RTKN2: variants seen among roughly 807,000 people sequenced by gnomAD.
The protein encoded by RTKN2 is rhotekin 2, also known as rhotekin-2.
RTKN2 carries 69 observed loss-of-function variants against 71.5 expected under a neutral mutation model. The ratio of observed to expected loss-of-function variants is 0.96; its 90% CI spans 0.79 to 1.18. The LOEUF (loss-of-function observed/expected upper bound fraction) is 1.18, where lower values mean the gene tolerates loss of function less well. Ranked by LOEUF, RTKN2 falls within the 50% of genes most tolerant of loss-of-function variation. The pLI, the probability that RTKN2 is intolerant of heterozygous loss-of-function variation, is 0.00. For synonymous variants in RTKN2, 236 were observed against 236.5 expected (o/e 1.00, Z 0.02); for missense variants, 724 against 719.7 (o/e 1.01, Z -0.07).
In RTKN2 at chr10:62,246,031, C is replaced by T. The variant is rs558935289; in HGVS notation, c.284G>A (p.Arg95Gln). Residue 95 changes from arginine to glutamine, a missense_variant, in exon 3 of 12, where the codon CGA becomes CAA. Arg to Gln is a conservative substitution (Grantham distance 43). Coordinates refer to ENST00000373789, the MANE Select transcript of RTKN2 (RefSeq NM_145307.4). ...GGCAATCTTTCCTTTACATGCTGTT[C>T]GTTCTTTACTTTCAAATTTCACATC... ...RCDVKFESKE[R>Q]TACKGKIAIS... 23 of 1,594,996 alleles carry T rather than the reference C, an allele frequency of 1.4e-5. No homozygotes were observed. The highest frequency in any genetic ancestry group is 5.4e-5 in the African/African-American group (4 of 74,158).
chr10:62,185,330 T>C (rs1386312850), intron 8 of RTKN2, among the ~76,000 whole-genome samples: 2 of 152,124 alleles, frequency 1.3e-5, no homozygotes, highest in Non-Finnish European at 2.9e-5. Flanking sequence ...AAGATTGCTT[T>C]TGGCAGGCTG....
rs1360912227 is a variant in RTKN2 at position 62,193,593 on chromosome 10, A to G, written c.*4315T>C. The G allele has an allele frequency of 6.1e-6, 6 of 985,024 alleles. No homozygotes were observed. Among genetic ancestry groups the G allele is most frequent in the Middle Eastern group, 5.2e-4 (1 of 1,936 alleles). The allele number at this position is 985,024 out of a possible 1,614,324, so 61.0% of individuals were successfully genotyped here. A position where few individuals can be genotyped will look rare whatever the true frequency, so the allele number is the denominator to read the frequency against. ...AGAAATAAAATGCTGAAATAATCCA[A>G]CTGAGCCAGGATTGCTCATTTCTCT... On this transcript the variant is annotated 3_prime_UTR_variant, in exon 12 of 12. Coordinates refer to ENST00000373789, the MANE Select transcript of RTKN2 (RefSeq NM_145307.4).
chr10:62,214,429 TG>T (rs1564506035), intron 9 of RTKN2, among the ~76,000 whole-genome samples: 1 of 152,164 alleles, frequency 6.6e-6, no homozygotes, highest in Non-Finnish European at 1.5e-5. Context: ...CACTGGAATT[TG>T]CAAGTCTGCT....
intron 7 of RTKN2, among the ~76,000 whole-genome samples, chr10:62,220,809 C>T (rs955020507): frequency 3.3e-5 from 5 of 151,916 alleles, no homozygotes; most frequent in Non-Finnish European, 5.9e-5. Flanking sequence ...AGATTACACT[C>T]ATAGTGGTGA....
At chr10:62,245,536 G>A (rs1842462236) in intron 3 of RTKN2, among the ~76,000 whole-genome samples, 1 of 152,148 alleles carries the variant, frequency 6.6e-6, no homozygotes, top group Non-Finnish European at 1.5e-5. Flanking sequence ...GAGTCACTGA[G>A]CAATTACTAT....
At chr10:62,267,527 G>A (rs1178446075) in intron 1 of RTKN2, among the ~76,000 whole-genome samples, 2 of 152,154 alleles carry the variant, frequency 1.3e-5, no homozygotes, top group Non-Finnish European at 2.9e-5. Flanking sequence ...GAAAATGCTG[G>A]CATAAAACAG....
At chr10:62,198,716 A>G (rs1564498173) in intron 11 of RTKN2, among the ~76,000 whole-genome samples, 1 of 152,124 alleles carries the variant, frequency 6.6e-6, no homozygotes, top group Non-Finnish European at 1.5e-5. Context: ...ATACACATGT[A>G]TAAATATATT....
At chr10:62,205,299 C>T (rs866344031) in intron 9 of RTKN2, among the ~76,000 whole-genome samples, 17 of 152,058 alleles carry the variant, frequency 1.1e-4, no homozygotes, top group Admixed American at 9.2e-4. Context: ...AAACATAACC[C>T]CTGTTTTGAT....
At chr10:62,244,257 A>C (rs765725252) in intron 3 of RTKN2, among the ~76,000 whole-genome samples, 5 of 152,310 alleles carry the variant, frequency 3.3e-5, no homozygotes, top group Non-Finnish European at 7.4e-5. Flanking sequence ...AAGTCTAGGC[A>C]AAGATGAAAA....
chr10:62,235,946 T>A, intron 6 of RTKN2, 120 bp downstream of exon 6: 2 of 719,760 alleles, frequency 2.8e-6, no homozygotes, highest in Non-Finnish European at 4.5e-6. Flanking sequence ...AACAACTAAG[T>A]TTTGTTTTTG....
intron 6 of RTKN2, among the ~76,000 whole-genome samples, chr10:62,223,635 C>T (rs6479794): frequency 0.89 from 135,632 of 152,198 alleles, 60,553 homozygotes; most frequent in East Asian, 1. Context: ...TATCAGTTCA[C>T]ACTCATTAAG....
chr10:62,211,026 T>A (rs996700872), intron 9 of RTKN2, among the ~76,000 whole-genome samples: 14 of 152,138 alleles, frequency 9.2e-5, no homozygotes, highest in African/African-American at 3.4e-4. Flanking sequence ...TATTGACTTG[T>A]TTAGTACAGA....
At chr10:62,245,657 G>A (rs1298138256) in intron 3 of RTKN2, among the ~76,000 whole-genome samples, 1 of 152,090 alleles carries the variant, frequency 6.6e-6, no homozygotes. Context: ...CATTATTATA[G>A]CTTCTGAGCA....
At chr10:62,211,651 TAA>T (rs1841661090) in intron 9 of RTKN2, among the ~76,000 whole-genome samples, 1 of 152,148 alleles carries the variant, frequency 6.6e-6, no homozygotes, top group Admixed American at 6.5e-5. Flanking sequence ...TACTAAAAAC[TAA>T]AAGAGAAACA....
intron 2 of RTKN2, among the ~76,000 whole-genome samples, chr10:62,260,679 G>A (rs1198669118): frequency 6.6e-6 from 1 of 152,082 alleles, no homozygotes; most frequent in Non-Finnish European, 1.5e-5. Flanking sequence ...CAGGCATTAG[G>A]CTTATTTAAT....
chr10:62,203,383 C>T (rs66679103), intron 10 of RTKN2, among the ~76,000 whole-genome samples: 13,151 of 150,008 alleles, frequency 0.088, 767 homozygotes, highest in South Asian at 0.25. Context: ...CTTGCTCTAT[C>T]GCCCAGGTTG....
chr10:62,199,704 C>G, intron 11 of RTKN2, 50 bp downstream of exon 11: 2 of 1,103,084 alleles, frequency 1.8e-6, no homozygotes, highest in Non-Finnish European at 2.8e-6. Flanking sequence ...TCAGTATGGA[C>G]AATGTTGTTT....
At chr10:62,191,677 T>G, downstream of RTKN2, among the ~76,000 whole-genome samples, 1 of 152,218 alleles carries the variant, frequency 6.6e-6, no homozygotes, top group East Asian at 1.9e-4. Flanking sequence ...TTGGTTCTAC[T>G]CACCGGAATT....
chr10:62,217,075 T>C, intron 9 of RTKN2, 43 bp downstream of exon 9: 1 of 1,477,132 alleles, frequency 6.8e-7, no homozygotes, highest in African/African-American at 1.4e-5. Context: ...AAAACAAACT[T>C]CCTAAGATGT....
Sources: allele counts gnomAD v4.1 joint callset (sites outside exome capture counted in the v4.1 genomes callset), GRCh38; gene constraint gnomAD v4.1.1; transcripts MANE v1.5; gene names NCBI Gene and HGNC (gene_info 2026-07-23, HGNC 2026-07-21).